The following ALG9 variants were observed in gnomAD, a reference collection of about 807,000 sequenced individuals.
The protein encoded by ALG9 is ALG9 alpha-1,2-mannosyltransferase, also known as alpha-1,2-mannosyltransferase ALG9.
In ALG9, 55 loss-of-function variants were observed where a neutral mutation model predicts 81.8. The ratio of observed to expected loss-of-function variants is 0.67; its 90% CI spans 0.54 to 0.84. ALG9 has a LOEUF of 0.84. Among genes scored for constraint, ALG9 ranks in the 40% least tolerant of loss-of-function variants. The pLI is 0.00. For synonymous variants in ALG9, 278 were observed against 274.3 expected, an observed-to-expected ratio of 1.01 and a Z score of -0.13; for missense variants, 629 against 745.0, an observed-to-expected ratio of 0.84 and a Z score of 1.81.
At chr11:111,800,809 G>C (rs639602) in intron 14 of ALG9, among the ~76,000 whole-genome samples, 19 of 152,148 alleles carry the variant, frequency 1.2e-4, no homozygotes, top group Admixed American at 1.2e-3. Flanking sequence ...ATTTATCATA[G>C]TGCCTGGCAA....
chr11:111,805,219 T>G, intron 14 of ALG9: 1 of 456,060 alleles, frequency 2.2e-6, no homozygotes, highest in South Asian at 1.6e-5. Context: ...CTTGCAGCCA[T>G]GTGAGGATAC....
At chr11:111,836,141 G>A in intron 13 of ALG9, 24 bp downstream of exon 13, 1 of 1,613,304 alleles carries the variant, frequency 6.2e-7, no homozygotes. Context: ...TTTCAGAGAA[G>A]CAAGAAGAGA....
chr11:111,836,431 G>A (rs1272861804), intron 12 of ALG9, 137 bp from the exon 13 acceptor site: 7 of 1,146,726 alleles, frequency 6.1e-6, no homozygotes, highest in Non-Finnish European at 6.3e-6. Context: ...ACCTCAACCA[G>A]GGAGCACAGA....
chr11:111,866,069 C>T (rs907888595), intron 3 of ALG9, among the ~76,000 whole-genome samples: 6 of 152,076 alleles, frequency 3.9e-5, no homozygotes, highest in East Asian at 3.9e-4. Context: ...CCGAGGCAGG[C>T]GGATCACTTG....
In ALG9 at chr11:111,809,517, T is replaced by TACAC. The variant is rs4026119; in HGVS notation, c.1733+122_1733+125dup. The TACAC allele has an allele frequency of 0.27, 252,542 of 933,346 alleles. 14,771 individuals carry two copies. The highest frequency in any genetic ancestry group is 0.42 in the East Asian group (14,990 of 35,660). 57.8% of individuals were successfully genotyped at this position (933,346 alleles called of 1,614,324 possible). Reference sequence around the variant, plus strand: ...CCTGGGCAACAGAGTGAGACTCCATTACACACACACACACACACACACGAT... The same window carrying TACAC: ...CCTGGGCAACAGAGTGAGACTCCATTACACACACACACACACACACACACACGAT... On this transcript the variant is annotated intron_variant, in intron 14 of 14. Transcript: ENST00000616540.
intron 13 of ALG9, among the ~76,000 whole-genome samples, chr11:111,834,901 A>C (rs1490796474): frequency 6.6e-6 from 1 of 152,252 alleles, no homozygotes; most frequent in Non-Finnish European, 1.5e-5. Flanking sequence ...ATAAAGCTCT[A>C]ATACAATCCA....
chr11:111,830,258 A>G (rs1376440667), intron 13 of ALG9, among the ~76,000 whole-genome samples: 8 of 152,226 alleles, frequency 5.3e-5, no homozygotes, highest in Admixed American at 1.3e-4. Flanking sequence ...AAAAATTTCA[A>G]GTATTTTTCT....
At chr11:111,771,565 G>C in the ALG9 span, among the ~76,000 whole-genome samples, 8 of 152,318 alleles carry the variant, frequency 5.3e-5, no homozygotes, top group South Asian at 1.4e-3. Flanking sequence ...TGTGTGAGAA[G>C]GCCAAGTGTA....
At chr11:111,805,127 A>C in intron 14 of ALG9, 1 of 364,426 alleles carries the variant, frequency 2.7e-6, no homozygotes, top group South Asian at 2.1e-5. Context: ...GGCCTTTGGA[A>C]GGGAATTAGG....
chr11:111,858,685 A>G (rs1486014706), intron 5 of ALG9, among the ~76,000 whole-genome samples: 1 of 152,224 alleles, frequency 6.6e-6, no homozygotes, highest in African/African-American at 2.4e-5. Context: ...AACTCTGAAC[A>G]AAAATGCAGA....
chr11:111,809,768 A>C lies in ALG9; in HGVS notation c.1608T>G (p.Asp536Glu). 1 of 1,613,978 alleles carries C rather than the reference A, an allele frequency of 6.2e-7. No homozygotes were observed. The highest frequency in any genetic ancestry group is 2.2e-5 in the East Asian group (1 of 44,864). Residue 536 changes from aspartate to glutamate, a missense_variant, in exon 14 of 15, where the codon GAT (aspartate) becomes GAG (glutamate). Around this residue, in one of 3 missense-constraint regions of ALG9, gnomAD observed 264 missense variants for 302.2 expected, o/e 0.87. Transcript: ENST00000616540. ...CCACTAAATAATGGCATTTACTGAT[A>C]TCAATCTGAAATGGAGAAAGGCCAA... is the stretch of plus-strand genomic sequence containing the variant. ...QNLEEPSRYI[D>E]ISKCHYLVDL...
At chr11:111,803,990 G>A (rs570668606) in intron 14 of ALG9, among the ~76,000 whole-genome samples, 25 of 151,604 alleles carry the variant, frequency 1.6e-4, no homozygotes, top group Non-Finnish European at 3.1e-4. Context: ...AAAATGAGCT[G>A]GGCATGGTGG....
chr11:111,772,387 C>G, the ALG9 span, among the ~76,000 whole-genome samples: 1 of 152,222 alleles, frequency 6.6e-6, no homozygotes, highest in Non-Finnish European at 1.5e-5. Context: ...GATTGCACCA[C>G]TGCACTCCAG....
chr11:111,854,290 G>A (rs553012886), intron 6 of ALG9, among the ~76,000 whole-genome samples: 2 of 113,042 alleles, frequency 1.8e-5, no homozygotes, highest in South Asian at 5.5e-4. Flanking sequence ...TTTTTTTTGA[G>A]ACAGAGTCTC....
intron 4 of ALG9, among the ~76,000 whole-genome samples, chr11:111,861,928 G>A (rs1436669185): frequency 6.6e-6 from 1 of 152,122 alleles, no homozygotes; most frequent in Non-Finnish European, 1.5e-5. Context: ...CTGTTAAAAA[G>A]TCTTCTGTCA....
Position 111,783,607 on chromosome 11 carries a change from GAGC to G in ALG9, c.*2787_*2789del, listed in dbSNP as rs1477701175. 6.6e-6 allele frequency: 1 copy of G among 152,156 alleles called. No individual in the cohort carries two copies. Among genetic ancestry groups the G allele is most frequent in the African/African-American group, 2.4e-5 (1 of 41,428 alleles). The allele number at this position is 152,156 out of a possible 1,614,324, so 9.4% of individuals were successfully genotyped here. ...TTTTTTGAGGGAGAACTGCTACTCT[GAGC>G]AGGTGTGTTGAAACTGTTTTTCCCA... is the stretch of plus-strand genomic sequence containing the variant. On this transcript the variant is annotated 3_prime_UTR_variant, in exon 15 of 15. Transcript: ENST00000616540.
rs1555118170 is a variant in ALG9, at chr11:111,836,974, C to G, written c.1472+494G>C. On this transcript the variant is annotated intron_variant, in intron 12 of 14. Transcript: ENST00000616540. ...AGCAAACTACAAAGAACTTTAGGGCCTATGCTCTCAGAACCACAGAAAGCA... is the reference window on the plus strand; with the variant it reads ...AGCAAACTACAAAGAACTTTAGGGCGTATGCTCTCAGAACCACAGAAAGCA... 3.3e-5 allele frequency among the ~76,000 whole-genome samples: 5 copies of G among 152,322 alleles called. No homozygotes were observed. In the South Asian group the frequency reaches 1.0e-3, roughly 32 times the overall value.
At chr11:111,841,215 A>C (rs1956163399) in intron 9 of ALG9, among the ~76,000 whole-genome samples, 2 of 152,354 alleles carry the variant, frequency 1.3e-5, no homozygotes, top group South Asian at 4.1e-4. Context: ...TTTTAATTCC[A>C]ATGTTCTGTT....
intron 8 of ALG9, among the ~76,000 whole-genome samples, chr11:111,852,329 C>G (rs1039317521): frequency 6.6e-6 from 1 of 152,212 alleles, no homozygotes; most frequent in Non-Finnish European, 1.5e-5. Context: ...CAAAAGATCT[C>G]TAGCTCATCC....
Sources: gnomAD v4.1 joint callset for allele counts (sites outside exome capture counted in the v4.1 genomes callset) on GRCh38, gnomAD v4.1.1 for gene constraint, gnomAD v4.1.1 regional missense constraint, MANE v1.5 for transcripts, NCBI Gene and HGNC (gene_info 2026-07-23, HGNC 2026-07-21) for gene names.